Variants in PCDHGA3 observed in about 807,000 individuals in gnomAD.
PCDHGA3 encodes the protein protocadherin gamma subfamily A, 3, also known as protocadherin gamma-A3.
In PCDHGA3, 40 loss-of-function variants were observed where a neutral mutation model predicts 58.5. The observed-to-expected ratio is 0.68, with a 90% CI of 0.53 to 0.89. PCDHGA3 has a LOEUF of 0.89. Ranked by LOEUF, PCDHGA3 falls within the 40% of genes least tolerant of loss-of-function variation. The pLI, the probability that PCDHGA3 is intolerant of heterozygous loss-of-function variation, is 0.00. For missense variants in PCDHGA3, 1,223 were observed against 1,195.9 expected, an observed-to-expected ratio of 1.02 and a Z score of -0.33; for synonymous variants, 530 against 525.7, an observed-to-expected ratio of 1.01 and a Z score of -0.11.
intron 3 of PCDHGA3, among the ~76,000 whole-genome samples, chr5:141,507,590 T>C (rs531629336): frequency 1.3e-5 from 2 of 152,374 alleles, no homozygotes; most frequent in African/African-American, 4.8e-5. Context: ...AGTTGGCCTC[T>C]TGAGGGAAAT....
chr5:141,359,982 G>A, intron 1 of PCDHGA3: 2 of 872,362 alleles, frequency 2.3e-6, no homozygotes, highest in Non-Finnish European at 3.2e-6. Context: ...GAGCCTCTTA[G>A]AGGGGAACTT....
rs755018283 is a variant in PCDHGA3, at chr5:141,365,965, C to T, written c.2424+19508C>T. ...GTGGGAACCCTCCACTTAGCAGCAACGTGTCGCTGAGCCTGTTTGTGCTGG... is the reference window on the plus strand; with the variant it reads ...GTGGGAACCCTCCACTTAGCAGCAATGTGTCGCTGAGCCTGTTTGTGCTGG... On this transcript the variant is annotated intron_variant, in intron 1 of 3. Coordinates refer to ENST00000253812, the MANE Select transcript of PCDHGA3 (RefSeq NM_018916.4). 6 of 1,614,114 alleles carry T rather than the reference C, an allele frequency of 3.7e-6. No homozygotes were observed. The Admixed American group carries it at 8.3e-5, about 22-fold the overall frequency.
At chr5:141,365,827 G>T (rs746773273) in intron 1 of PCDHGA3, 5 of 1,613,872 alleles carry the variant, frequency 3.1e-6, no homozygotes, top group Admixed American at 1.7e-5. Flanking sequence ...TTCAGGGGGC[G>T]CCCTTGTCCT....
intron 1 of PCDHGA3, among the ~76,000 whole-genome samples, chr5:141,465,280 C>T (rs922029628): frequency 7.2e-5 from 11 of 151,990 alleles, no homozygotes; most frequent in Non-Finnish European, 1.5e-4. Flanking sequence ...TTAGTTCACC[C>T]CTAAAGAACT....
chr5:141,367,411 C>G (rs1046748433), intron 1 of PCDHGA3: 8 of 152,236 alleles, frequency 5.3e-5, no homozygotes, highest in Admixed American at 3.9e-4. Context: ...GTGGCAGGCG[C>G]CTGTAGTCCC....
chr5:141,418,228 T>C, intron 1 of PCDHGA3: 2 of 1,613,990 alleles, frequency 1.2e-6, no homozygotes, highest in Non-Finnish European at 1.7e-6. Context: ...TTGTGGTGAT[T>C]GAGGATGTTA....
In PCDHGA3 at chr5:141,511,186, G is replaced by T; in HGVS notation, c.*13G>T. On this transcript the variant is annotated 3_prime_UTR_variant, in exon 4 of 4. Transcript: ENST00000253812. ...GGAGAAGAAGTAACATGGAGGCCAG[G>T]CCAAGAGCCACAGGGCGGCCTCTCC... 6.2e-7 allele frequency: 1 copy of T among 1,613,906 alleles called. No individual in the cohort carries two copies. The highest frequency in any genetic ancestry group is 2.2e-5 in the East Asian group (1 of 44,876).
At chr5:141,390,732 G>T in intron 1 of PCDHGA3, 1 of 194,114 alleles carries the variant, frequency 5.2e-6, no homozygotes, top group Non-Finnish European at 1.1e-5. Context: ...TAACTGGTAT[G>T]GTCTCCATAG....
rs199965876 is a variant in PCDHGA3, at chr5:141,419,464, C to G, written c.2424+73007C>G. ...CCTTCGAGCTCACGCTGCAGGCCCG[C>G]GACCAGGGCTCGCCCGCGCTCAGCG... On this transcript the variant is annotated intron_variant, in intron 1 of 3. Transcript: ENST00000253812. 4 of 1,612,542 alleles carry G rather than the reference C, an allele frequency of 2.5e-6. No homozygotes were observed. In the Admixed American group the frequency reaches 6.7e-5, roughly 27 times the overall value.
chr5:141,419,681 G>T (rs377117997), intron 1 of PCDHGA3: 89 of 1,612,904 alleles, frequency 5.5e-5, no homozygotes, highest in Non-Finnish European at 7.0e-5. Flanking sequence ...GTCCTACCAC[G>T]TGGTGCAGGC....
chr5:141,409,407 A>G, intron 1 of PCDHGA3: 3 of 1,614,012 alleles, frequency 1.9e-6, no homozygotes, highest in Non-Finnish European at 2.5e-6. Flanking sequence ...AATAACTACT[A>G]CAAACTGGTG....
At chr5:141,469,893 A>G (rs2099214569) in intron 1 of PCDHGA3, among the ~76,000 whole-genome samples, 1 of 152,200 alleles carries the variant, frequency 6.6e-6, no homozygotes, top group South Asian at 2.1e-4. Context: ...CACTTTGGGA[A>G]GCCGAGGCAG....
chr5:141,358,355 T>A (rs1760896522), intron 1 of PCDHGA3, among the ~76,000 whole-genome samples: 1 of 152,236 alleles, frequency 6.6e-6, no homozygotes, highest in South Asian at 2.1e-4. Flanking sequence ...GAGGGTTTTT[T>A]AATTTCCTAT....
intron 1 of PCDHGA3, chr5:141,366,133 C>T (rs777240886): frequency 1.9e-6 from 3 of 1,614,216 alleles, no homozygotes; most frequent in Non-Finnish European, 2.5e-6. Context: ...CAGGCCAGAA[C>T]GCCTGGCTGT....
rs2099623857 is a variant in PCDHGA3, at chr5:141,486,060, A to ACC, written c.2425-8744_2425-8743dup. On this transcript the variant is annotated intron_variant, in intron 1 of 3. Transcript: ENST00000253812. This position sits in a 1 kb window ranked among gnomAD's most constrained non-coding sequence, Gnocchi z 5.0. Reference sequence around the variant, plus strand: ...CGTGTAAGAAACCTCTTTAGCCTGCACCCCACTACTGGAAAGCTTACTCTT... The same window carrying ACC: ...CGTGTAAGAAACCTCTTTAGCCTGCACCCCCCACTACTGGAAAGCTTACTCTT... The ACC allele has an allele frequency of 1.2e-6, 2 of 1,613,980 alleles. No homozygotes were observed. The highest frequency in any genetic ancestry group is 1.7e-6 in the Non-Finnish European group (2 of 1,179,980).
chr5:141,458,513 GT>G (rs537551567), intron 1 of PCDHGA3, among the ~76,000 whole-genome samples: 34 of 146,056 alleles, frequency 2.3e-4, no homozygotes, highest in South Asian at 6.5e-4. Flanking sequence ...TTGACACTTT[GT>G]TTTTTTTTTT....
rs141873183 is a variant in PCDHGA3 at position 141,511,011 on chromosome 5, C to T, written c.2637C>T (p.Tyr879=). The T allele has an allele frequency of 1.5e-5, 24 of 1,614,082 alleles. No individual in the cohort carries two copies. Among genetic ancestry groups the T allele is most frequent in the Middle Eastern group, 1.6e-4 (1 of 6,084 alleles). Residue 879 remains tyrosine (Y), a synonymous_variant, in exon 4 of 4, where the codon TAC becomes TAT. Transcript: ENST00000253812. ...GAGTMGLSAR[Y]GPQFTLQHVP... The stretch of plus-strand genomic sequence containing the variant: ...GCACCATGGGATTGAGCGCCCGCTA[C>T]GGACCCCAGTTCACCCTGCAGCACG...
chr5:141,428,861 T>G (rs1435613271), intron 1 of PCDHGA3: 1 of 73,058 alleles, frequency 1.4e-5, no homozygotes, highest in Non-Finnish European at 2.5e-5. Flanking sequence ...TACGGGAGAC[T>G]TTTTTTTTTT....
chr5:141,462,418 T>A (rs1187388192), intron 1 of PCDHGA3, among the ~76,000 whole-genome samples: 2 of 152,250 alleles, frequency 1.3e-5, no homozygotes, highest in African/African-American at 2.4e-5. Context: ...ATATGGTCTA[T>A]CTTGGTGAGT....
Sources: allele counts gnomAD v4.1 joint callset (sites outside exome capture counted in the v4.1 genomes callset), GRCh38; gene constraint gnomAD v4.1.1; non-coding constraint Gnocchi (gnomAD v3.1); transcripts MANE v1.5; gene names NCBI Gene and HGNC (gene_info 2026-07-23, HGNC 2026-07-21).